GRID2: variants seen among roughly 807,000 people sequenced by gnomAD.
The protein encoded by GRID2 is glutamate receptor ionotropic, delta-2.
GRID2 carries 33 observed loss-of-function variants against 114.8 expected under a neutral mutation model. That is an observed-to-expected ratio of 0.29 (90% confidence interval 0.22 to 0.38). The LOEUF (loss-of-function observed/expected upper bound fraction) is 0.38. GRID2 is among the 10% of genes least tolerant of loss of function. The probability of loss-of-function intolerance (pLI) is 1.00; values close to 1 mark genes in which losing one functional copy is unlikely to be tolerated. For synonymous variants in GRID2, 505 were observed against 449.9 expected (o/e 1.12, Z -1.55); for missense variants, 1,184 against 1,257.7 (o/e 0.94, Z 0.89).
intron 2 of GRID2, among the ~76,000 whole-genome samples, chr4:92,648,368 T>C (rs2149259548): frequency 6.7e-6 from 1 of 149,906 alleles, no homozygotes; most frequent in Admixed American, 6.6e-5. Context: ...ACTATTGATC[T>C]CAGTATCTTA....
intron 1 of GRID2, among the ~76,000 whole-genome samples, chr4:92,522,057 A>G (rs1179179836): frequency 3.3e-5 from 5 of 151,884 alleles, no homozygotes; most frequent in Admixed American, 6.6e-5. Context: ...AGATAAAGAT[A>G]ATCCACTGTG....
rs559823336 is a variant in GRID2 at position 93,516,373 on chromosome 4, A to G, written c.2193+962A>G. On this transcript the variant is annotated intron_variant, in intron 13 of 15. Transcript: ENST00000282020. ...CTGGCACCCTTTATCTGCCACTGCT[A>G]CTACTATGGTCCCTAGAGTCAGCCT... 2.3e-4 allele frequency among the ~76,000 whole-genome samples: 35 copies of G among 152,268 alleles called. 1 individual carries two copies. In the South Asian group the frequency reaches 7.2e-3, roughly 32 times the overall value.
Position 93,719,404 on chromosome 4 carries a change from C to CT in GRID2, c.2361-49796dup, listed in dbSNP as rs910068307. ...GTAGATTTTATTTCAATCCAAGGGA[C>CT]TTTTTTTTTTAAGGAGAAAACTGCT... On this transcript the variant is annotated intron_variant, in intron 14 of 15. Coordinates refer to ENST00000282020, the MANE Select transcript of GRID2 (RefSeq NM_001510.4). 5.9e-3 allele frequency among the ~76,000 whole-genome samples: 869 copies of CT among 146,722 alleles called. 4 individuals carry two copies. The highest frequency in any genetic ancestry group is 0.014 in the African/African-American group (555 of 40,104).
intron 2 of GRID2, among the ~76,000 whole-genome samples, chr4:92,920,250 T>G (rs1749196522): frequency 6.6e-6 from 1 of 152,168 alleles, no homozygotes; most frequent in Non-Finnish European, 1.5e-5. Context: ...TCTCTGCACG[T>G]GAGATAGGTT....
chr4:92,432,209 T>C (rs538287117), intron 1 of GRID2, among the ~76,000 whole-genome samples: 21 of 152,240 alleles, frequency 1.4e-4, no homozygotes, highest in Admixed American at 1.3e-3. Context: ...CAACACAGTA[T>C]TGGGTCTCTC....
At chr4:92,464,141 T>C (rs901445399) in intron 1 of GRID2, among the ~76,000 whole-genome samples, 1 of 152,008 alleles carries the variant, frequency 6.6e-6, no homozygotes, top group Non-Finnish European at 1.5e-5. Flanking sequence ...TTCTATCATG[T>C]ATGTTATAAT....
At chr4:93,429,022 C>T (rs927941982) in intron 10 of GRID2, among the ~76,000 whole-genome samples, 7 of 152,188 alleles carry the variant, frequency 4.6e-5, no homozygotes, top group Non-Finnish European at 7.3e-5. Flanking sequence ...ATCTGCCAGA[C>T]GTATGCCCCT....
chr4:93,779,645 G>A (rs1734440507), intron 1 of GRID2, among the ~76,000 whole-genome samples: 1 of 152,182 alleles, frequency 6.6e-6, no homozygotes. Context: ...TGTCAAATTA[G>A]TGGTATAGAA....
chr4:93,517,650 A>T (rs1729864957), intron 13 of GRID2, among the ~76,000 whole-genome samples: 1 of 152,012 alleles, frequency 6.6e-6, no homozygotes, highest in South Asian at 2.1e-4. Context: ...CAACAAACAA[A>T]TAATAACCTT....
At chr4:92,769,822 A>G (rs1337659590) in intron 2 of GRID2, among the ~76,000 whole-genome samples, 1 of 152,144 alleles carries the variant, frequency 6.6e-6, no homozygotes, top group African/African-American at 2.4e-5. Flanking sequence ...GGCCCAGTCC[A>G]CAGAATCATT....
At chr4:93,793,089 C>G (rs1225242894) in intron 1 of GRID2, among the ~76,000 whole-genome samples, 1 of 152,078 alleles carries the variant, frequency 6.6e-6, no homozygotes, top group Non-Finnish European at 1.5e-5. Context: ...CCCACTATGC[C>G]AAACAAATTA....
intron 1 of GRID2, among the ~76,000 whole-genome samples, chr4:92,537,908 A>G (rs768890169): frequency 2.3e-4 from 35 of 151,634 alleles, no homozygotes; most frequent in South Asian, 6.2e-4. Flanking sequence ...TATTTTGACA[A>G]TGTATTAAGT....
At chr4:93,364,554 G>A (rs545597638) in intron 8 of GRID2, among the ~76,000 whole-genome samples, 4 of 152,048 alleles carry the variant, frequency 2.6e-5, no homozygotes, top group Non-Finnish European at 4.4e-5. Flanking sequence ...TCACCGTAAC[G>A]TTCAACTCCT....
At chr4:92,451,013 A>G (rs1720897578) in intron 1 of GRID2, among the ~76,000 whole-genome samples, 1 of 151,906 alleles carries the variant, frequency 6.6e-6, no homozygotes, top group South Asian at 2.1e-4. Flanking sequence ...TCATAAAGAA[A>G]TGTTATTTAA....
chr4:93,371,741 CTT>C (rs1205096650), intron 8 of GRID2, among the ~76,000 whole-genome samples: 39 of 89,790 alleles, frequency 4.3e-4, no homozygotes, highest in African/African-American at 1.5e-3. Flanking sequence ...ATCACTATTT[CTT>C]TTTTTTTTTT....
At chr4:93,025,555 T>A (rs1420387514) in intron 2 of GRID2, among the ~76,000 whole-genome samples, 1 of 151,800 alleles carries the variant, frequency 6.6e-6, no homozygotes, top group Non-Finnish European at 1.5e-5. Flanking sequence ...CCAGGCAATA[T>A]GAGAGAATTT....
chr4:92,884,191 C>T (rs1008099715), intron 2 of GRID2, among the ~76,000 whole-genome samples: 1 of 152,184 alleles, frequency 6.6e-6, no homozygotes, highest in Admixed American at 6.5e-5. Flanking sequence ...TTCCTTAAAA[C>T]CCATGAAACC....
chr4:92,929,455 T>C (rs1750064736), intron 2 of GRID2, among the ~76,000 whole-genome samples: 1 of 151,382 alleles, frequency 6.6e-6, no homozygotes, highest in Non-Finnish European at 1.5e-5. Context: ...ATTTTTCTAG[T>C]TGTTAGGTTA....
rs1579386923 is a variant in GRID2, at chr4:92,450,619, A to T, written c.89-139512A>T. On this transcript the variant is annotated intron_variant, in intron 1 of 15. Transcript: ENST00000282020. ...TTGTTATGAGGTGGGCTTTGATGGC[A>T]TAGTTTTAGCACAATGAGACTATTT... Among the ~76,000 whole-genome samples, 3 of 151,840 alleles carry T rather than the reference A, an allele frequency of 2.0e-5. 1 individual carries two copies. Among genetic ancestry groups the T allele is most frequent in the South Asian group, 2.1e-4 (1 of 4,830 alleles).
Sources: gnomAD v4.1 joint callset for allele counts (sites outside exome capture counted in the v4.1 genomes callset) on GRCh38, gnomAD v4.1.1 for gene constraint, MANE v1.5 for transcripts, NCBI Gene and HGNC (gene_info 2026-07-23, HGNC 2026-07-21) for gene names.